The following TMEM232 variants were observed in gnomAD, a reference collection of about 807,000 sequenced individuals.
TMEM232 encodes transmembrane protein 232.
A neutral mutation model predicts 78.8 loss-of-function variants in TMEM232; 80 were observed. That is an observed-to-expected ratio of 1.01 (90% CI 0.85 to 1.22). The LOEUF (loss-of-function observed/expected upper bound fraction) is 1.22. TMEM232 is among the 50% of genes most tolerant of loss of function. The pLI, the probability that TMEM232 is intolerant of heterozygous loss-of-function variation, is 0.00. For missense variants in TMEM232, 881 were observed against 742.2 expected (o/e 1.19, Z -2.17); for synonymous variants, 297 against 254.3 (o/e 1.17, Z -1.60).
rs991426745 is a variant in TMEM232 at position 110,507,393 on chromosome 5, C to T, written c.1703+21195G>A. Among the ~76,000 whole-genome samples, 15 of 152,256 alleles carry T rather than the reference C, an allele frequency of 9.9e-5. No homozygotes were observed. In the South Asian group the frequency reaches 1.2e-3, roughly 13 times the overall value. On this transcript the variant is annotated intron_variant, in intron 12 of 13. Transcript: ENST00000455884. ...TGATGATGATTGCTGCTGCCACTTC[C>T]ACAACTACTCTACCTCCACCATCTT...
intron 1 of TMEM232, among the ~76,000 whole-genome samples, chr5:110,714,525 A>T (rs1796835445): frequency 6.6e-6 from 1 of 152,206 alleles, no homozygotes; most frequent in South Asian, 2.1e-4. Flanking sequence ...AAATTGGCTT[A>T]GAATAAAATT....
intron 1 of TMEM232, among the ~76,000 whole-genome samples, chr5:110,685,573 A>G (rs972015063): frequency 2.6e-5 from 4 of 152,146 alleles, no homozygotes; most frequent in Non-Finnish European, 5.9e-5. Context: ...AAAATAAGCT[A>G]TAACAATGTA....
rs944555401 is a variant in TMEM232, at chr5:110,554,163, G to T, written c.1455+14284C>A. ...GTGTTGCCAAAGGAGATTAACATTT[G>T]AGTCAGTGGGCTGAGAAAGGCAGAC... On this transcript the variant is annotated intron_variant, in intron 11 of 13. Transcript: ENST00000455884. 2.0e-5 allele frequency among the ~76,000 whole-genome samples: 3 copies of T among 152,124 alleles called. No homozygotes were observed. The East Asian group carries it at 5.8e-4, about 29-fold the overall frequency.
chr5:110,547,296 T>C lies in TMEM232; in HGVS notation c.1456-18461A>G, dbSNP rs188172646. ...ATGTTTGTTCTTTTACTCAGCAAAATTACGCATGAGAGGGAAGAAATTTTA... is the reference window on the plus strand; with the variant it reads ...ATGTTTGTTCTTTTACTCAGCAAAACTACGCATGAGAGGGAAGAAATTTTA... On this transcript the variant is annotated intron_variant, in intron 11 of 13. Coordinates refer to ENST00000455884, the MANE Select transcript of TMEM232 (RefSeq NM_001039763.4). Among the ~76,000 whole-genome samples, 3 of 152,154 alleles carry C rather than the reference T, an allele frequency of 2.0e-5. No homozygotes were observed. In the East Asian group the frequency reaches 5.8e-4, roughly 29 times the overall value.
intron 12 of TMEM232, among the ~76,000 whole-genome samples, chr5:110,459,321 G>A (rs989332748): frequency 6.6e-6 from 1 of 152,040 alleles, no homozygotes; most frequent in African/African-American, 2.4e-5. Context: ...TCAACAGATT[G>A]ATGTCTCTCA....
chr5:110,691,985 A>ATCTC (rs1794170230), intron 1 of TMEM232, among the ~76,000 whole-genome samples: 1 of 151,984 alleles, frequency 6.6e-6, no homozygotes, highest in African/African-American at 2.4e-5. Context: ...CAGTGGCGTG[A>ATCTC]TCTCGGCTCA....
At chr5:110,655,197 C>A (rs557766421) in intron 2 of TMEM232, among the ~76,000 whole-genome samples, 166 of 151,858 alleles carry the variant, frequency 1.1e-3, no homozygotes, top group African/African-American at 4.0e-3. Context: ...TGAACTGAAA[C>A]AAATTTACAA....
At chr5:110,399,728 A>G (rs1755524148) in intron 2 of TMEM232, among the ~76,000 whole-genome samples, 1 of 152,124 alleles carries the variant, frequency 6.6e-6, no homozygotes, top group Non-Finnish European at 1.5e-5. Flanking sequence ...CAGCTTCGAA[A>G]TGACTTCACA....
chr5:110,431,635 T>C (rs535566943), intron 12 of TMEM232, among the ~76,000 whole-genome samples: 1 of 111,026 alleles, frequency 9.0e-6, no homozygotes, highest in East Asian at 2.9e-4. Context: ...CTATGATAAG[T>C]ATATTTAAAT....
chr5:110,723,724 G>T (rs1457240193), intron 1 of TMEM232, among the ~76,000 whole-genome samples: 2 of 152,152 alleles, frequency 1.3e-5, no homozygotes, highest in Non-Finnish European at 2.9e-5. Flanking sequence ...TTTGTTTGGA[G>T]CAGCAAAGTC....
At chr5:110,515,913 T>C (rs1768557529) in intron 12 of TMEM232, among the ~76,000 whole-genome samples, 1 of 152,206 alleles carries the variant, frequency 6.6e-6, no homozygotes, top group African/African-American at 2.4e-5. Flanking sequence ...CTGGGCTTTC[T>C]TCCAGGTGCT....
At chr5:110,703,030 C>T (rs1046722657) in intron 1 of TMEM232, among the ~76,000 whole-genome samples, 2 of 151,950 alleles carry the variant, frequency 1.3e-5, no homozygotes, top group African/African-American at 2.4e-5. Context: ...AAATAAGTGG[C>T]TATTACAATT....
At chr5:110,601,008 C>T (rs1312852942) in intron 10 of TMEM232, among the ~76,000 whole-genome samples, 1 of 152,150 alleles carries the variant, frequency 6.6e-6, no homozygotes, top group Non-Finnish European at 1.5e-5. Flanking sequence ...TCAACATATG[C>T]AAATCAATAA....
intron 12 of TMEM232, among the ~76,000 whole-genome samples, chr5:110,486,476 C>T: frequency 6.6e-6 from 1 of 152,180 alleles, no homozygotes; most frequent in East Asian, 1.9e-4. Flanking sequence ...CTCAATTCAT[C>T]TTGAGTTGAT....
intron 12 of TMEM232, among the ~76,000 whole-genome samples, chr5:110,466,616 GTTTTTTTT>G (rs59026770): frequency 4.2e-5 from 6 of 143,434 alleles, no homozygotes; most frequent in Non-Finnish European, 9.2e-5. Flanking sequence ...GACAAGCATA[GTTTTTTTT>G]TTTTTTGAGA....
intron 12 of TMEM232, among the ~76,000 whole-genome samples, chr5:110,475,325 G>A (rs929357119): frequency 2.0e-5 from 3 of 151,390 alleles, no homozygotes; most frequent in Admixed American, 6.6e-5. Flanking sequence ...CTATTAGGAA[G>A]AAAACTTTTG....
At chr5:110,584,203 A>T (rs1310219510) in intron 10 of TMEM232, among the ~76,000 whole-genome samples, 1 of 152,058 alleles carries the variant, frequency 6.6e-6, no homozygotes, top group Non-Finnish European at 1.5e-5. Context: ...GCATTACCAT[A>T]TTCATTGCAG....
At position 110,526,666 on chromosome 5, in the gene TMEM232, G is replaced by C. The variant is rs142204091; in HGVS notation, c.1703+1922C>G. ...GGAAATATGTAACAACATTACAAAGGCATATATACTTTGACCCAGAAATTA... is the reference window on the plus strand; with the variant it reads ...GGAAATATGTAACAACATTACAAAGCCATATATACTTTGACCCAGAAATTA... On this transcript the variant is annotated intron_variant, in intron 12 of 13. Coordinates refer to ENST00000455884, the MANE Select transcript of TMEM232 (RefSeq NM_001039763.4). Among the ~76,000 whole-genome samples, 159 of 151,876 alleles carry C rather than the reference G, an allele frequency of 1.0e-3. 2 individuals carry two copies. The highest frequency in any genetic ancestry group is 3.6e-3 in the African/African-American group (149 of 41,488).
rs1002682933 is a variant in TMEM232 at position 110,620,601 on chromosome 5, C to A, written c.769-2039G>T. ...TATCTCTCTCTCTCTCTCTCTCTCTCTCTCTCTCTCTCTCTCTCTCTCTCT... is the reference window on the plus strand; with the variant it reads ...TATCTCTCTCTCTCTCTCTCTCTCTATCTCTCTCTCTCTCTCTCTCTCTCT... On this transcript the variant is annotated intron_variant, in intron 7 of 13. Transcript: ENST00000455884. 4.4e-4 allele frequency among the ~76,000 whole-genome samples: 58 copies of A among 132,086 alleles called. 1 individual carries two copies. Among genetic ancestry groups the A allele is most frequent in the African/African-American group, 1.9e-3 (58 of 30,820 alleles). 86.7% of individuals were successfully genotyped at this position (132,086 alleles called of 152,430 possible). A position where few individuals can be genotyped will look rare whatever the true frequency, so the allele number is the denominator to read the frequency against.
Sources: allele counts gnomAD v4.1 joint callset (sites outside exome capture counted in the v4.1 genomes callset), GRCh38; gene constraint gnomAD v4.1.1; transcripts MANE v1.5; gene names NCBI Gene and HGNC (gene_info 2026-07-23, HGNC 2026-07-21).